The following THSD7B variants were observed in gnomAD, a reference collection of about 807,000 sequenced individuals.
THSD7B encodes the protein thrombospondin type 1 domain containing 7B, also known as thrombospondin type-1 domain-containing protein 7B.
A neutral mutation model predicts 213.6 loss-of-function variants in THSD7B; 138 were observed. That is an observed-to-expected ratio of 0.65 (90% CI 0.56 to 0.74). THSD7B has a LOEUF of 0.74. Among genes scored for constraint, THSD7B ranks in the 30% least tolerant of loss-of-function variants. THSD7B has a pLI of 0.00. For missense variants in THSD7B, 1,931 were observed against 1,991.5 expected, an observed-to-expected ratio of 0.97 and a Z score of 0.58; for synonymous variants, 742 against 687.0, an observed-to-expected ratio of 1.08 and a Z score of -1.25.
At chr2:137,191,845 T>A (rs927825221) in intron 7 of THSD7B, among the ~76,000 whole-genome samples, 1 of 152,204 alleles carries the variant, frequency 6.6e-6, no homozygotes, top group African/African-American at 2.4e-5. Flanking sequence ...GTGAGCATTT[T>A]ACCGATTACA....
intron 5 of THSD7B, among the ~76,000 whole-genome samples, chr2:137,154,866 C>T (rs1162321228): frequency 1.3e-5 from 2 of 151,766 alleles, no homozygotes; most frequent in African/African-American, 4.8e-5. Context: ...AGTTTTTTTT[C>T]CTTAACATTA....
chr2:137,142,370 G>T (rs368690691), intron 5 of THSD7B, among the ~76,000 whole-genome samples: 2 of 152,088 alleles, frequency 1.3e-5, no homozygotes, highest in African/African-American at 4.8e-5. Context: ...TGAGGGAGGA[G>T]CCCTCCTGAC....
chr2:137,537,618 T>C (rs1680531089), intron 15 of THSD7B, among the ~76,000 whole-genome samples: 1 of 151,674 alleles, frequency 6.6e-6, no homozygotes, highest in Non-Finnish European at 1.5e-5. Flanking sequence ...CTTCTCAACT[T>C]AGTTTCTTTG....
chr2:137,394,542 C>T (rs1418210360), intron 12 of THSD7B, among the ~76,000 whole-genome samples: 19 of 135,416 alleles, frequency 1.4e-4, no homozygotes, highest in African/African-American at 4.9e-4. Context: ...GGTACCAGTA[C>T]CATGCTGTTT....
At chr2:137,451,891 C>T in intron 15 of THSD7B, 1 of 194,184 alleles carries the variant, frequency 5.1e-6, no homozygotes, top group African/African-American at 2.4e-5. Context: ...AATTGGGAAA[C>T]TTAACAGAAT....
chr2:137,473,556 G>A (rs1252800136), intron 15 of THSD7B, among the ~76,000 whole-genome samples: 5 of 152,100 alleles, frequency 3.3e-5, no homozygotes, highest in Admixed American at 6.6e-5. Context: ...CATATCAAGA[G>A]AACTCTCAAA....
chr2:137,249,381 A>G (rs1014584021), intron 10 of THSD7B, among the ~76,000 whole-genome samples: 1 of 152,158 alleles, frequency 6.6e-6, no homozygotes, highest in African/African-American at 2.4e-5. Context: ...ACAAGGAGGA[A>G]CACTTACATT....
chr2:136,872,771 T>G (rs1367090762), intron 1 of THSD7B, among the ~76,000 whole-genome samples: 4 of 123,684 alleles, frequency 3.2e-5, no homozygotes, highest in African/African-American at 1.3e-4. Flanking sequence ...GGGTTCAAGA[T>G]CTACCTGGCC....
At chr2:137,227,100 A>T (rs1002097569) in intron 7 of THSD7B, among the ~76,000 whole-genome samples, 1 of 152,170 alleles carries the variant, frequency 6.6e-6, no homozygotes, top group Non-Finnish European at 1.5e-5. Flanking sequence ...CTCAATGCGT[A>T]TGGGGCTTTA....
chr2:137,243,328 C>T (rs1187976335), intron 10 of THSD7B, among the ~76,000 whole-genome samples: 1 of 152,170 alleles, frequency 6.6e-6, no homozygotes, highest in African/African-American at 2.4e-5. Flanking sequence ...CTCCTAGTCT[C>T]ATACACTAGC....
At chr2:136,810,213 T>C (rs973840739) in intron 1 of THSD7B, among the ~76,000 whole-genome samples, 1 of 152,160 alleles carries the variant, frequency 6.6e-6, no homozygotes, top group Non-Finnish European at 1.5e-5. Flanking sequence ...TCCTGGAAAG[T>C]AGTGCAGCCA....
chr2:136,850,464 A>G (rs1683080926), intron 1 of THSD7B, among the ~76,000 whole-genome samples: 1 of 152,054 alleles, frequency 6.6e-6, no homozygotes, highest in African/African-American at 2.4e-5. Flanking sequence ...TACATCTTCA[A>G]ACTTCCCTCA....
chr2:137,195,073 G>T (rs1350425088), intron 7 of THSD7B, among the ~76,000 whole-genome samples: 1 of 151,948 alleles, frequency 6.6e-6, no homozygotes, highest in African/African-American at 2.4e-5. Context: ...ATCTATACAT[G>T]ATTCTATTTT....
chr2:137,225,415 A>C (rs115966316), intron 7 of THSD7B, among the ~76,000 whole-genome samples: 27 of 152,302 alleles, frequency 1.8e-4, no homozygotes, highest in Non-Finnish European at 3.5e-4. Flanking sequence ...ATGGTTTGGT[A>C]TTATCTAAAA....
chr2:137,415,245 A>G (rs1396541714), intron 14 of THSD7B, among the ~76,000 whole-genome samples: 23 of 152,018 alleles, frequency 1.5e-4, no homozygotes, highest in Admixed American at 1.5e-3. Flanking sequence ...TCATGAGGAT[A>G]ATTATTCCTC....
intron 2 of THSD7B, among the ~76,000 whole-genome samples, chr2:136,882,722 G>A (rs972003996): frequency 6.6e-6 from 1 of 152,148 alleles, no homozygotes; most frequent in African/African-American, 2.4e-5. Flanking sequence ...ATTATTAAAT[G>A]CTTTCCAGCA....
At chr2:136,805,201 G>C (rs1006529957) in intron 1 of THSD7B, among the ~76,000 whole-genome samples, 1 of 151,886 alleles carries the variant, frequency 6.6e-6, no homozygotes, top group Non-Finnish European at 1.5e-5. Context: ...GACTGGGTTT[G>C]GTCAGGAATT....
chr2:137,218,892 C>T (rs1427914470), intron 7 of THSD7B, among the ~76,000 whole-genome samples: 1 of 151,866 alleles, frequency 6.6e-6, no homozygotes, highest in Non-Finnish European at 1.5e-5. Context: ...GAGCACAAAA[C>T]TTCTGATGAG....
At chr2:137,351,787 T>C (rs1685019124) in intron 12 of THSD7B, among the ~76,000 whole-genome samples, 4 of 151,874 alleles carry the variant, frequency 2.6e-5, no homozygotes, top group Admixed American at 2.0e-4. Flanking sequence ...TATTTAAGGA[T>C]GGCCTTTTAA....
Sources: allele counts gnomAD v4.1 joint callset (sites outside exome capture counted in the v4.1 genomes callset), GRCh38; gene constraint gnomAD v4.1.1; transcripts MANE v1.5; gene names NCBI Gene and HGNC (gene_info 2026-07-23, HGNC 2026-07-21).